AGBL1: variants seen among roughly 807,000 people sequenced by gnomAD.
AGBL1 encodes the protein AGBL carboxypeptidase 1, also known as cytosolic carboxypeptidase 4.
A neutral mutation model predicts 118.9 loss-of-function variants in AGBL1; 130 were observed. The ratio of observed to expected loss-of-function variants is 1.09; its 90% CI spans 0.95 to 1.26. AGBL1 has a LOEUF of 1.26. Among genes scored for constraint, AGBL1 ranks in the 50% most tolerant of loss-of-function variants. The pLI is 0.00. For synonymous variants in AGBL1, 555 were observed against 478.9 expected (o/e 1.16, Z -2.08); for missense variants, 1,584 against 1,298.1 (o/e 1.22, Z -3.38).
intron 21 of AGBL1, among the ~76,000 whole-genome samples, chr15:86,611,655 A>G (rs1460369948): frequency 6.6e-6 from 1 of 151,740 alleles, no homozygotes; most frequent in African/African-American, 2.4e-5. Flanking sequence ...CTGTCAAGGT[A>G]TTTTTTCCCC....
intron 22 of AGBL1, among the ~76,000 whole-genome samples, chr15:86,772,834 C>A (rs990670863): frequency 2.0e-5 from 3 of 152,022 alleles, no homozygotes; most frequent in Non-Finnish European, 4.4e-5. Context: ...GAGCAACATG[C>A]ATGCTATTGC....
At position 86,702,168 on chromosome 15, in the gene AGBL1, T is replaced by G. The variant is rs78648871; in HGVS notation, c.3158+27732T>G. Among the ~76,000 whole-genome samples, 266 of 152,152 alleles carry G rather than the reference T, an allele frequency of 1.7e-3. 4 individuals are homozygous for G. In the East Asian group the frequency reaches 0.022, roughly 12 times the overall value. On this transcript the variant is annotated intron_variant, in intron 22 of 22. Coordinates refer to ENST00000614907, the MANE Select transcript of AGBL1 (RefSeq NM_001386094.1). The stretch of plus-strand genomic sequence containing the variant: ...TATTACAAAGAAATATAGACATGAG[T>G]AAAGAGAGGTTTACTTTTTAGTTTT...
chr15:86,213,319 C>T (rs927435291), intron 5 of AGBL1, among the ~76,000 whole-genome samples: 2 of 152,122 alleles, frequency 1.3e-5, no homozygotes, highest in African/African-American at 4.8e-5. Context: ...AGCAGTACTC[C>T]CTTCACTTCT....
At chr15:86,647,107 T>A (rs1271350566) in intron 21 of AGBL1, among the ~76,000 whole-genome samples, 1 of 152,164 alleles carries the variant, frequency 6.6e-6, no homozygotes, top group East Asian at 1.9e-4. Context: ...ATTAATTGAT[T>A]TATATAACAT....
At chr15:86,765,575 A>T (rs1356117531) in intron 22 of AGBL1, among the ~76,000 whole-genome samples, 3 of 151,992 alleles carry the variant, frequency 2.0e-5, no homozygotes, top group Non-Finnish European at 4.4e-5. Context: ...CATGGTAGGG[A>T]CAGCATTTAC....
intron 23 of AGBL1, among the ~76,000 whole-genome samples, chr15:86,953,168 G>A (rs1372330885): frequency 6.6e-6 from 1 of 152,078 alleles, no homozygotes; most frequent in African/African-American, 2.4e-5. Flanking sequence ...TTGGTTGCAT[G>A]TAATTTTTAG....
At chr15:86,195,731 A>G (rs1287613683) in intron 5 of AGBL1, among the ~76,000 whole-genome samples, 1 of 152,194 alleles carries the variant, frequency 6.6e-6, no homozygotes, top group Non-Finnish European at 1.5e-5. Context: ...CGTGGTTTAA[A>G]TGGCAACTAA....
intron 22 of AGBL1, among the ~76,000 whole-genome samples, chr15:86,883,516 G>A (rs1474829144): frequency 6.6e-6 from 1 of 152,068 alleles, no homozygotes; most frequent in Non-Finnish European, 1.5e-5. Flanking sequence ...CACCTTTCCT[G>A]CCTCCCCCTG....
At chr15:86,490,411 G>T (rs935042453) in intron 18 of AGBL1, among the ~76,000 whole-genome samples, 4 of 152,038 alleles carry the variant, frequency 2.6e-5, no homozygotes, top group Admixed American at 2.6e-4. Flanking sequence ...AGAACGAAAG[G>T]TTCCTCTTGT....
At chr15:86,825,365 T>C (rs1422302934) in intron 22 of AGBL1, among the ~76,000 whole-genome samples, 5 of 32,128 alleles carry the variant, frequency 1.6e-4, no homozygotes, top group African/African-American at 3.0e-4. Context: ...AAAAAGGAGT[T>C]GAAAAGACAA....
At chr15:86,311,598 C>T (rs2079922285) in intron 17 of AGBL1, among the ~76,000 whole-genome samples, 1 of 152,108 alleles carries the variant, frequency 6.6e-6, no homozygotes, top group Non-Finnish European at 1.5e-5. Context: ...TTCTCCGGGG[C>T]TTCCTATTTT....
At chr15:86,728,237 G>T (rs1473384213) in intron 22 of AGBL1, among the ~76,000 whole-genome samples, 1 of 152,234 alleles carries the variant, frequency 6.6e-6, no homozygotes, top group Non-Finnish European at 1.5e-5. Flanking sequence ...ACACAGTGCA[G>T]GTGGACCTGG....
At chr15:86,837,805 C>T (rs757798727) in intron 22 of AGBL1, among the ~76,000 whole-genome samples, 5 of 152,132 alleles carry the variant, frequency 3.3e-5, no homozygotes, top group African/African-American at 7.2e-5. Context: ...GTGGTTAGCT[C>T]AGAAATCAGA....
chr15:86,079,978 C>G lies in AGBL1; in HGVS notation c.6C>G (p.Ala2=). Reference sequence around the variant, plus strand: ...CCCTAGGACCCGAGAAAAGGATGGCCGAACAAGAAGCTAGTGGGCTACAGG... The same window carrying G: ...CCCTAGGACCCGAGAAAAGGATGGCGGAACAAGAAGCTAGTGGGCTACAGG... M[A]EQEASGLQVL... The change falls in exon 1 of 23, where the codon GCC becomes GCG. Residue 2 remains alanine (A), a synonymous_variant. Transcript: ENST00000614907. 1.6e-6 allele frequency: 2 copies of G among 1,232,124 alleles called. No homozygotes were observed. The highest frequency in any genetic ancestry group is 1.0e-6 in the Non-Finnish European group (1 of 987,978). 76.3% of individuals were successfully genotyped at this position (1,232,124 alleles called of 1,614,324 possible).
chr15:86,989,868 T>A (rs139844987), intron 24 of AGBL1, among the ~76,000 whole-genome samples: 146 of 152,244 alleles, frequency 9.6e-4, no homozygotes, highest in African/African-American at 3.3e-3. Context: ...GGCAATGGAA[T>A]TGGCAAGCGC....
Position 86,420,458 on chromosome 15 carries a change from T to A in AGBL1, c.2555+22912T>A, listed in dbSNP as rs4306468. On this transcript the variant is annotated intron_variant, in intron 18 of 22. Transcript: ENST00000614907. ...AGAACATCCACACAGAAACCCCATC[T>A]GAAGGTCACCAACATCAAAGACCAA... 3.0e-4 allele frequency among the ~76,000 whole-genome samples: 45 copies of A among 152,134 alleles called. No individual in the cohort carries two copies. In the South Asian group the frequency reaches 7.3e-3, roughly 25 times the overall value.
chr15:86,880,387 CA>C (rs2079873732), intron 22 of AGBL1, among the ~76,000 whole-genome samples: 1 of 152,128 alleles, frequency 6.6e-6, no homozygotes, highest in Admixed American at 6.6e-5. Context: ...AAACAGGGAG[CA>C]AACTTGTAAA....
intron 24 of AGBL1, among the ~76,000 whole-genome samples, chr15:87,017,530 A>G (rs1287764077): frequency 1.3e-5 from 2 of 152,182 alleles, no homozygotes; most frequent in African/African-American, 4.8e-5. Context: ...GGACCCCTAG[A>G]AAATGGCAGC....
intron 17 of AGBL1, among the ~76,000 whole-genome samples, chr15:86,360,543 C>T (rs181688742): frequency 1.1e-4 from 16 of 152,026 alleles, no homozygotes; most frequent in Non-Finnish European, 1.8e-4. Flanking sequence ...CAGAGTGATG[C>T]TAGCCTCATA....
Sources: allele counts gnomAD v4.1 joint callset (sites outside exome capture counted in the v4.1 genomes callset), GRCh38; gene constraint gnomAD v4.1.1; transcripts MANE v1.5; gene names NCBI Gene and HGNC (gene_info 2026-07-23, HGNC 2026-07-21).